Variants in LMNB1 observed in about 807,000 individuals in gnomAD.
The protein encoded by LMNB1 is lamin-B1.
Under a neutral mutation model 67.1 loss-of-function variants are expected in LMNB1, and 23 were observed. The ratio of observed to expected loss-of-function variants is 0.34; its 90% confidence interval spans 0.25 to 0.49. The LOEUF is 0.49. Ranked by LOEUF, LMNB1 falls within the 20% of genes least tolerant of loss-of-function variation. LMNB1 has a pLI of 0.99. For synonymous variants in LMNB1, 281 were observed against 282.9 expected (o/e 0.99, Z 0.07); for missense variants, 634 against 746.5 (o/e 0.85, Z 1.76).
chr5:126,812,532 A>G (rs951787816), intron 5 of LMNB1, among the ~76,000 whole-genome samples: 2 of 152,158 alleles, frequency 1.3e-5, no homozygotes, highest in African/African-American at 2.4e-5. Flanking sequence ...ACACTACTTC[A>G]GATCAGTTTT....
intron 1 of LMNB1, among the ~76,000 whole-genome samples, chr5:126,804,060 A>G (rs746538549): frequency 3.4e-4 from 52 of 151,114 alleles, no homozygotes; most frequent in Non-Finnish European, 7.7e-4. Context: ...TTTTCTTCTC[A>G]TTTAGTGTAA....
intron 1 of LMNB1, among the ~76,000 whole-genome samples, chr5:126,795,774 A>G (rs1751072178): frequency 6.6e-6 from 1 of 151,158 alleles, no homozygotes; most frequent in Non-Finnish European, 1.5e-5. Context: ...ACAGGCATGC[A>G]CAACCACACC....
Position 126,820,964 on chromosome 5 carries a change from A to C in LMNB1, c.1215A>C (p.Ser405=). The C allele has an allele frequency of 6.2e-7, 1 of 1,614,020 alleles. No individual in the cohort carries two copies. The highest frequency in any genetic ancestry group is 1.6e-4 in the Middle Eastern group (1 of 6,062). The change falls in exon 7 of 11, where the codon TCA becomes TCC. Residue 405 remains serine, a synonymous_variant. Coordinates refer to ENST00000261366, the MANE Select transcript of LMNB1 (RefSeq NM_005573.4). ...SSRVTVSRAS[S]SRSVRTTRGK... is the part of the protein sequence containing the mutation. ...GTGTGACAGTATCCCGAGCATCCTC[A>C]AGTCGTAGTGTACGTACAACTAGAG...
Position 126,777,538 on chromosome 5 carries a change from G to A in LMNB1, c.30G>A (p.Arg10=), listed in dbSNP as rs1750492976. 1.4e-6 allele frequency: 2 copies of A among 1,416,800 alleles called. No individual in the cohort carries two copies. Among genetic ancestry groups the A allele is most frequent in the South Asian group, 1.5e-5 (1 of 64,928 alleles). The allele number at this position is 1,416,800 out of a possible 1,614,324, so 87.8% of individuals were successfully genotyped here. A position where few individuals can be genotyped will look rare whatever the true frequency, so the allele number is the denominator to read the frequency against. The change falls in exon 1 of 11, where the codon CGG becomes CGA. Residue 10 remains arginine (R), a synonymous_variant. Transcript: ENST00000261366. MATATPVPP[R]MGSRAGGPTT... ...CGACTGCGACCCCCGTGCCGCCGCGGATGGGCAGCCGCGCTGGCGGCCCCA... is the reference window on the plus strand; with the variant it reads ...CGACTGCGACCCCCGTGCCGCCGCGAATGGGCAGCCGCGCTGGCGGCCCCA...
rs11397545 is a variant in LMNB1, at chr5:126,793,322, AT to A, written c.360-11443del. ...TCCTGTGCCTGTTTATGTTACAGTG[AT>A]TTTTTTTTTTGTTTCAAAGAAGTGG... On this transcript the variant is annotated intron_variant, in intron 1 of 10. Transcript: ENST00000261366. 2.8e-4 allele frequency among the ~76,000 whole-genome samples: 41 copies of A among 148,402 alleles called. No homozygotes were observed. The East Asian group carries it at 3.4e-3, about 12-fold the overall frequency.
rs1182272918 is a variant in LMNB1, at chr5:126,824,333, T to C, written c.1491+1448T>C. On this transcript the variant is annotated intron_variant, in intron 8 of 10. Transcript: ENST00000261366. The stretch of plus-strand genomic sequence containing the variant: ...ACTATATTTTATGAAACCCAATATA[T>C]CCAAAATATTGCTTTAACATGTAAT... Among the ~76,000 whole-genome samples the C allele has an allele frequency of 2.6e-5, 4 of 152,154 alleles. No homozygotes were observed. The East Asian group carries it at 7.7e-4, about 29-fold the overall frequency.
chr5:126,778,113 C>A (rs1321987052), intron 1 of LMNB1, among the ~76,000 whole-genome samples: 1 of 152,142 alleles, frequency 6.6e-6, no homozygotes, highest in Non-Finnish European at 1.5e-5. Context: ...ATTTTGGATA[C>A]CCGCTGGGAC....
chr5:126,786,885 AAG>A (rs1750800465), intron 1 of LMNB1, among the ~76,000 whole-genome samples: 2 of 152,326 alleles, frequency 1.3e-5, no homozygotes, highest in South Asian at 4.1e-4. Flanking sequence ...GAATTACTGA[AAG>A]AGATCGCTTT....
chr5:126,830,290 G>A (rs1156872326), intron 9 of LMNB1, among the ~76,000 whole-genome samples: 1 of 152,206 alleles, frequency 6.6e-6, no homozygotes, highest in Admixed American at 6.5e-5. Flanking sequence ...CGCAGCAGGG[G>A]CGGACCAATG....
chr5:126,824,597 A>C (rs1751945784), intron 8 of LMNB1, among the ~76,000 whole-genome samples: 2 of 152,214 alleles, frequency 1.3e-5, no homozygotes, highest in Admixed American at 6.5e-5. Flanking sequence ...AACATAAATC[A>C]ACTATGTGAT....
intron 1 of LMNB1, among the ~76,000 whole-genome samples, chr5:126,783,899 G>C (rs1459989867): frequency 6.6e-6 from 1 of 151,536 alleles, no homozygotes; most frequent in African/African-American, 2.4e-5. Context: ...GTTGAGTAAT[G>C]GGACCCTGTA....
chr5:126,803,044 G>C (rs1013134232), intron 1 of LMNB1, among the ~76,000 whole-genome samples: 7 of 151,316 alleles, frequency 4.6e-5, no homozygotes, highest in African/African-American at 1.5e-4. Flanking sequence ...AAATTATCTC[G>C]GCCTAGTACC....
intron 1 of LMNB1, among the ~76,000 whole-genome samples, chr5:126,802,936 G>A (rs1284165371): frequency 2.6e-5 from 4 of 152,110 alleles, no homozygotes; most frequent in Non-Finnish European, 5.9e-5. Context: ...TGTAATCCCA[G>A]CATCTTGGGA....
chr5:126,811,714 T>C (rs1219318734), intron 4 of LMNB1, 59 bp from the exon 5 acceptor site: 5 of 1,514,368 alleles, frequency 3.3e-6, no homozygotes, highest in Non-Finnish European at 4.5e-6. Context: ...AGGTGAATCA[T>C]GCTTCCTTTT....
At position 126,777,574 on chromosome 5, in the gene LMNB1, G is replaced by C. The variant is rs13181068; in HGVS notation, c.66G>C (p.Leu22=). 2.6e-6 allele frequency: 4 copies of C among 1,512,290 alleles called. No homozygotes were observed. In the South Asian group the frequency reaches 3.7e-5, roughly 14 times the overall value. 93.7% of individuals were successfully genotyped at this position (1,512,290 alleles called of 1,614,324 possible). Residue 22 remains leucine, a synonymous_variant, in exon 1 of 11, where the codon CTG becomes CTC. Coordinates refer to ENST00000261366, the MANE Select transcript of LMNB1 (RefSeq NM_005573.4). ...GCGCTGGCGGCCCCACCACGCCGCTGAGCCCCACGCGCCTGTCGCGGCTCC... is the reference window on the plus strand; with the variant it reads ...GCGCTGGCGGCCCCACCACGCCGCTCAGCCCCACGCGCCTGTCGCGGCTCC... ...GSRAGGPTTP[L]SPTRLSRLQE... is the part of the protein sequence containing the mutation.
intron 6 of LMNB1, 78 bp from the exon 7 acceptor site, chr5:126,820,832 T>G (rs1441030421): frequency 9.0e-7 from 1 of 1,117,182 alleles, no homozygotes; most frequent in Non-Finnish European, 1.3e-6. Context: ...CCAGCCCTTG[T>G]TTTTTTGTTT....
intron 3 of LMNB1, among the ~76,000 whole-genome samples, chr5:126,806,195 C>T (rs1199343599): frequency 6.6e-5 from 10 of 152,318 alleles, no homozygotes; most frequent in South Asian, 2.1e-4. Flanking sequence ...CCTCGTGATC[C>T]GCCCACCTTG....
At position 126,789,925 on chromosome 5, in the gene LMNB1, G is replaced by A. The variant is rs978985478; in HGVS notation, c.359+12058G>A. On this transcript the variant is annotated intron_variant, in intron 1 of 10. Transcript: ENST00000261366. Reference sequence around the variant, plus strand: ...CCTGACCTCATGATCCACCTGCCTCGGCCTCCCAAAGTGCTGGGATTACAG... The same window carrying A: ...CCTGACCTCATGATCCACCTGCCTCAGCCTCCCAAAGTGCTGGGATTACAG... Among the ~76,000 whole-genome samples, 13 of 151,798 alleles carry A rather than the reference G, an allele frequency of 8.6e-5. No individual in the cohort carries two copies. In the East Asian group the frequency reaches 1.4e-3, roughly 16 times the overall value.
intron 3 of LMNB1, among the ~76,000 whole-genome samples, chr5:126,809,577 C>T (rs1223027009): frequency 6.6e-6 from 1 of 152,074 alleles, no homozygotes; most frequent in Non-Finnish European, 1.5e-5. Context: ...ATCCCAGTTA[C>T]TAGGGAGGCT....
Sources: gnomAD v4.1 joint callset for allele counts (sites outside exome capture counted in the v4.1 genomes callset) on GRCh38, gnomAD v4.1.1 for gene constraint, MANE v1.5 for transcripts, NCBI Gene and HGNC (gene_info 2026-07-23, HGNC 2026-07-21) for gene names.